Variants in RAPGEF2 observed in about 807,000 individuals in gnomAD.
The protein encoded by RAPGEF2 is Rap guanine nucleotide exchange factor 2.
In RAPGEF2, 54 loss-of-function variants were observed where a neutral mutation model predicts 186.7. The observed-to-expected ratio is 0.29, with a 90% confidence interval of 0.23 to 0.36. The LOEUF is 0.36. RAPGEF2 is among the 10% of genes least tolerant of loss of function. The pLI, the probability that RAPGEF2 is intolerant of heterozygous loss-of-function variation, is 1.00. For synonymous variants in RAPGEF2, 712 were observed against 705.9 expected, an observed-to-expected ratio of 1.01 and a Z score of -0.14; for missense variants, 1,532 against 2,045.0, an observed-to-expected ratio of 0.75 and a Z score of 4.84.
intron 7 of RAPGEF2, among the ~76,000 whole-genome samples, chr4:159,253,765 G>A (rs971292240): frequency 7.2e-5 from 11 of 151,954 alleles, no homozygotes; most frequent in African/African-American, 2.2e-4. Flanking sequence ...TCAGGAGATC[G>A]AGACCATCCT....
At chr4:159,269,096 A>G (rs1046659772) in intron 7 of RAPGEF2, among the ~76,000 whole-genome samples, 3 of 152,200 alleles carry the variant, frequency 2.0e-5, no homozygotes, top group African/African-American at 4.8e-5. Context: ...TCTAAAGAAG[A>G]TAAGATGGTA....
chr4:159,175,026 A>G (rs144324614), intron 1 of RAPGEF2, among the ~76,000 whole-genome samples: 217 of 152,210 alleles, frequency 1.4e-3, no homozygotes, highest in Non-Finnish European at 2.5e-3. Flanking sequence ...ATATGGCTGC[A>G]CTCAGCCATA....
intron 1 of RAPGEF2, among the ~76,000 whole-genome samples, chr4:159,161,226 A>G (rs995327219): frequency 2.0e-5 from 3 of 152,222 alleles, no homozygotes; most frequent in Non-Finnish European, 4.4e-5. Flanking sequence ...TGTTAGTAAA[A>G]TTGAACTTCG....
At chr4:159,233,547 T>C (rs1752880388) in intron 4 of RAPGEF2, among the ~76,000 whole-genome samples, 1 of 152,134 alleles carries the variant, frequency 6.6e-6, no homozygotes, top group African/African-American at 2.4e-5. Context: ...TCGTATGTTC[T>C]CACTCATAAG....
intron 1 of RAPGEF2, among the ~76,000 whole-genome samples, chr4:159,124,410 G>T (rs1279866844): frequency 6.6e-6 from 1 of 151,882 alleles, no homozygotes; most frequent in Non-Finnish European, 1.5e-5. Flanking sequence ...ATGGTGGCAC[G>T]CGCCTGTAGT....
chr4:159,204,616 C>G (rs1346922268), intron 3 of RAPGEF2, among the ~76,000 whole-genome samples: 1 of 152,136 alleles, frequency 6.6e-6, no homozygotes, highest in Non-Finnish European at 1.5e-5. Flanking sequence ...TTTGTTTGGC[C>G]TCGTTAATTT....
chr4:159,295,195 C>G (rs1325280405), intron 7 of RAPGEF2, among the ~76,000 whole-genome samples: 1 of 152,104 alleles, frequency 6.6e-6, no homozygotes, highest in African/African-American at 2.4e-5. Flanking sequence ...TGAAATACTA[C>G]CCAGAGCATG....
rs189864598 is a variant in RAPGEF2 at position 159,286,025 on chromosome 4, C to T, written c.544-18317C>T. On this transcript the variant is annotated intron_variant, in intron 7 of 29. Transcript: ENST00000691494. ...TACAACTCTTAACACTTAACTGTTC[C>T]CCCCAACCACCACCACCACCACCAC... is the stretch of plus-strand genomic sequence containing the variant. Among the ~76,000 whole-genome samples the T allele has an allele frequency of 6.2e-3, 862 of 139,286 alleles. 8 individuals are homozygous for T. The highest frequency in any genetic ancestry group is 0.037 in the East Asian group (160 of 4,288). The allele number at this position is 139,286 out of a possible 152,430, so 91.4% of individuals were successfully genotyped here.
intron 1 of RAPGEF2, among the ~76,000 whole-genome samples, chr4:159,149,371 G>A (rs942665425): frequency 2.0e-5 from 3 of 152,082 alleles, no homozygotes; most frequent in Admixed American, 6.6e-5. Flanking sequence ...GCAATTCTCT[G>A]CCTCAGCCAC....
chr4:159,170,024 C>CA (rs1333184853), intron 1 of RAPGEF2, among the ~76,000 whole-genome samples: 1 of 151,472 alleles, frequency 6.6e-6, no homozygotes, highest in African/African-American at 2.4e-5. Context: ...TACTAATTTA[C>CA]ATTCTCATCA....
chr4:159,300,097 G>A (rs1762470075), intron 7 of RAPGEF2, among the ~76,000 whole-genome samples: 3 of 150,952 alleles, frequency 2.0e-5, no homozygotes, highest in Non-Finnish European at 3.0e-5. Context: ...ATATTATAAA[G>A]TATTAAAAGT....
At chr4:159,193,873 T>C (rs1748363541) in intron 3 of RAPGEF2, among the ~76,000 whole-genome samples, 1 of 152,250 alleles carries the variant, frequency 6.6e-6, no homozygotes, top group Non-Finnish European at 1.5e-5. Context: ...TCAAAGCACT[T>C]ACTTTCTACC....
chr4:159,353,878 G>A lies in RAPGEF2; in HGVS notation c.4483G>A (p.Gly1495Arg). 6.2e-7 allele frequency: 1 copy of A among 1,614,210 alleles called. No individual in the cohort carries two copies. The highest frequency in any genetic ancestry group is 8.5e-7 in the Non-Finnish European group (1 of 1,180,034). The stretch of plus-strand genomic sequence containing the variant: ...CTGGGCGTCTTCCACAGGTTACTGG[G>A]GAGAAGACTCAGAAGGTGACACAGG... ...ASWASSTGYW[G>R]EDSEGDTGTI... is the part of the protein sequence containing the mutation. Residue 1495 changes from glycine to arginine, a missense_variant, in exon 28 of 30, where the codon GGA becomes AGA. Coordinates refer to ENST00000691494, the MANE Select transcript of RAPGEF2 (RefSeq NM_001394067.2). This position sits in a 1 kb window ranked among gnomAD's most constrained non-coding sequence, Gnocchi z 4.3.
chr4:159,218,238 G>A (rs994633009), intron 4 of RAPGEF2, among the ~76,000 whole-genome samples: 8 of 152,198 alleles, frequency 5.3e-5, no homozygotes, highest in African/African-American at 1.9e-4. Flanking sequence ...ATCACAGCTG[G>A]AGTGCAGATT....
At chr4:159,289,164 A>T (rs1158240636) in intron 7 of RAPGEF2, among the ~76,000 whole-genome samples, 2 of 152,086 alleles carry the variant, frequency 1.3e-5, no homozygotes, top group African/African-American at 2.4e-5. Flanking sequence ...TGCTAATCCT[A>T]GTCATTGCCA....
intron 7 of RAPGEF2, among the ~76,000 whole-genome samples, chr4:159,281,344 T>G (rs1426315175): frequency 6.6e-6 from 1 of 152,166 alleles, no homozygotes; most frequent in Non-Finnish European, 1.5e-5. Flanking sequence ...AGATCATGAT[T>G]GTAATACTGG....
At chr4:159,308,682 A>G (rs547634598) in intron 8 of RAPGEF2, among the ~76,000 whole-genome samples, 53 of 152,250 alleles carry the variant, frequency 3.5e-4, no homozygotes, top group African/African-American at 1.2e-3. Flanking sequence ...TATGGATAGA[A>G]TAATGTTGCT....
chr4:159,243,914 T>G, intron 7 of RAPGEF2, 123 bp downstream of exon 7: 5 of 712,140 alleles, frequency 7.0e-6, no homozygotes, highest in Non-Finnish European at 1.1e-5. Flanking sequence ...TATTTTGCCC[T>G]AATTTACTTT....
chr4:159,106,699 A>AT (rs1022199233), intron 1 of RAPGEF2, among the ~76,000 whole-genome samples: 16 of 151,976 alleles, frequency 1.1e-4, no homozygotes, highest in African/African-American at 3.4e-4. Context: ...AACATATGTA[A>AT]TTTTTTTTCC....
Sources: allele counts gnomAD v4.1 joint callset (sites outside exome capture counted in the v4.1 genomes callset), GRCh38; gene constraint gnomAD v4.1.1; non-coding constraint Gnocchi (gnomAD v3.1); transcripts MANE v1.5; gene names NCBI Gene and HGNC (gene_info 2026-07-23, HGNC 2026-07-21).